SORCS2: variants seen among roughly 807,000 people sequenced by gnomAD.
SORCS2 encodes the protein VPS10 domain-containing receptor SorCS2.
A neutral mutation model predicts 141.6 loss-of-function variants in SORCS2; 100 were observed. The observed-to-expected ratio is 0.71, with a 90% confidence interval of 0.60 to 0.83. SORCS2 has a LOEUF of 0.83. Among genes scored for constraint, SORCS2 ranks in the 40% least tolerant of loss-of-function variants. SORCS2 has a pLI of 0.00. For synonymous variants in SORCS2, 789 were observed against 676.9 expected, an observed-to-expected ratio of 1.17 and a Z score of -2.57; for missense variants, 1,646 against 1,560.2, an observed-to-expected ratio of 1.05 and a Z score of -0.93.
Position 7,364,549 on chromosome 4 carries a change from TTCCTTG to T in SORCS2, c.481-31738_481-31733del, listed in dbSNP as rs149232851. 8.7e-4 allele frequency among the ~76,000 whole-genome samples: 132 copies of T among 152,286 alleles called. No homozygotes were observed. In the East Asian group the frequency reaches 0.019, roughly 22 times the overall value. On this transcript the variant is annotated intron_variant, in intron 1 of 26. Coordinates refer to ENST00000507866, the MANE Select transcript of SORCS2 (RefSeq NM_020777.3). ...GGCCTGTTTCTGGGCAGTCTCCTCC[TTCCTTG>T]GGGCAATGCTCATGGGTCAGGATGA...
intron 1 of SORCS2, among the ~76,000 whole-genome samples, chr4:7,389,732 G>T (rs972037474): frequency 2.0e-5 from 3 of 152,146 alleles, no homozygotes; most frequent in Non-Finnish European, 4.4e-5. Flanking sequence ...GTGAGAAAGG[G>T]GAGAGCATAG....
rs150759421 is a variant in SORCS2, at chr4:7,589,505, C to T, written c.649-48823C>T. Among the ~76,000 whole-genome samples, 588 of 152,218 alleles carry T rather than the reference C, an allele frequency of 3.9e-3. 3 individuals carry two copies. The highest frequency in any genetic ancestry group is 0.018 in the East Asian group (94 of 5,170). On this transcript the variant is annotated intron_variant, in intron 3 of 26. Coordinates refer to ENST00000507866, the MANE Select transcript of SORCS2 (RefSeq NM_020777.3). ...GCAACCTCTACCTCCCGGGTTCAAG[C>T]GATTCTTCTGCCTCAGCCTCCCAAG...
chr4:7,235,524 A>G (rs1303701497), intron 1 of SORCS2, among the ~76,000 whole-genome samples: 2 of 152,212 alleles, frequency 1.3e-5, no homozygotes, highest in African/African-American at 4.8e-5. Context: ...ACTGCAGAGA[A>G]CACAGAGCGG....
At chr4:7,480,028 G>A (rs1327909030) in intron 2 of SORCS2, among the ~76,000 whole-genome samples, 3 of 152,340 alleles carry the variant, frequency 2.0e-5, no homozygotes, top group Non-Finnish European at 1.5e-5. Flanking sequence ...TGCCAGCCTC[G>A]CCATGTGGCT....
chr4:7,429,094 G>T, intron 2 of SORCS2, among the ~76,000 whole-genome samples: 1 of 152,198 alleles, frequency 6.6e-6, no homozygotes, highest in Admixed American at 6.5e-5. Flanking sequence ...AGGGGTGGCA[G>T]AGTTGTTGAC....
intron 1 of SORCS2, among the ~76,000 whole-genome samples, chr4:7,222,900 C>G (rs1728795037): frequency 6.6e-6 from 1 of 152,124 alleles, no homozygotes; most frequent in East Asian, 1.9e-4. Context: ...TCTTCTCCCT[C>G]CACTCCACCT....
At chr4:7,525,006 T>G in intron 2 of SORCS2, among the ~76,000 whole-genome samples, 1 of 152,040 alleles carries the variant, frequency 6.6e-6, no homozygotes, top group Non-Finnish European at 1.5e-5. Flanking sequence ...TTAACTCGGG[T>G]CCTCCTTTTC....
chr4:7,259,346 T>G (rs1443414640), intron 1 of SORCS2, among the ~76,000 whole-genome samples: 1 of 152,186 alleles, frequency 6.6e-6, no homozygotes, highest in East Asian at 1.9e-4. Flanking sequence ...TGAACCCAGG[T>G]TGTGGGACTC....
intron 21 of SORCS2, among the ~76,000 whole-genome samples, chr4:7,728,094 T>C (rs1021522692): frequency 1.3e-5 from 2 of 152,238 alleles, no homozygotes; most frequent in Non-Finnish European, 2.9e-5. Flanking sequence ...TGTTATGAGA[T>C]GGCAGCCAGT....
Position 7,425,066 on chromosome 4 carries a change from G to A in SORCS2, c.548+28711G>A, listed in dbSNP as rs1329371876. Among the ~76,000 whole-genome samples the A allele has an allele frequency of 2.6e-5, 4 of 152,204 alleles. No individual in the cohort carries two copies. In the South Asian group the frequency reaches 6.2e-4, roughly 24 times the overall value. The stretch of plus-strand genomic sequence containing the variant: ...GGATGTTGGTGCAGTTCCGGGAGGT[G>A]CCAGATTCCACAGGCTGCAGGGGTG... On this transcript the variant is annotated intron_variant, in intron 2 of 26. Transcript: ENST00000507866.
At chr4:7,528,755 G>T (rs1453637259) in intron 2 of SORCS2, among the ~76,000 whole-genome samples, 1 of 152,050 alleles carries the variant, frequency 6.6e-6, no homozygotes, top group African/African-American at 2.4e-5. Flanking sequence ...TTGTCCTCAG[G>T]GCCCTTGTAC....
At chr4:7,453,026 C>T (rs1728581215) in intron 2 of SORCS2, among the ~76,000 whole-genome samples, 1 of 135,908 alleles carries the variant, frequency 7.4e-6, no homozygotes, top group African/African-American at 2.8e-5. Flanking sequence ...GGGTCAGGCT[C>T]CATGTTGGGG....
At chr4:7,555,551 G>A (rs764517160) in intron 3 of SORCS2, among the ~76,000 whole-genome samples, 13 of 152,220 alleles carry the variant, frequency 8.5e-5, no homozygotes, top group African/African-American at 1.7e-4. Context: ...CTTCATTTAC[G>A]CGTGCAACTA....
chr4:7,365,985 C>A (rs1012291098), intron 1 of SORCS2, among the ~76,000 whole-genome samples: 1 of 152,210 alleles, frequency 6.6e-6, no homozygotes, highest in South Asian at 2.1e-4. Context: ...TATGGGGAGT[C>A]CTTGCCAGCT....
intron 3 of SORCS2, among the ~76,000 whole-genome samples, chr4:7,563,857 C>G (rs1049596341): frequency 2.9e-4 from 44 of 152,298 alleles, no homozygotes; most frequent in African/African-American, 9.9e-4. Flanking sequence ...GGCCTTGTTG[C>G]TTTTGACTAT....
intron 8 of SORCS2, among the ~76,000 whole-genome samples, chr4:7,668,041 T>C (rs1722600886): frequency 6.6e-6 from 1 of 152,214 alleles, no homozygotes; most frequent in Non-Finnish European, 1.5e-5. Context: ...GAGAAACAGA[T>C]GAAGCTTCCC....
At chr4:7,510,361 CGAGCTGACTTACTCCAG>C (rs1356919353) in intron 2 of SORCS2, among the ~76,000 whole-genome samples, 2 of 152,220 alleles carry the variant, frequency 1.3e-5, no homozygotes, top group Non-Finnish European at 1.5e-5. Flanking sequence ...TGGTGTCCTC[CGAGCTGACTTACTCCAG>C]GAGGGCGCCC....
chr4:7,724,166 G>GTGGTGATAGTGGTGGTGGTGA (rs1560113092), intron 19 of SORCS2, among the ~76,000 whole-genome samples: 1 of 147,358 alleles, frequency 6.8e-6, no homozygotes, highest in Admixed American at 6.7e-5. Context: ...GGTGGTGATG[G>GTGGTGATAGTGGTGGTGGTGA]TGGTGATGGT....
At chr4:7,588,339 A>G (rs562828106) in intron 3 of SORCS2, among the ~76,000 whole-genome samples, 6 of 152,188 alleles carry the variant, frequency 3.9e-5, no homozygotes, top group Admixed American at 6.5e-5. Flanking sequence ...TTTGTTTCGG[A>G]TGAGGAGGAA....
Sources: gnomAD v4.1 joint callset for allele counts (sites outside exome capture counted in the v4.1 genomes callset) on GRCh38, gnomAD v4.1.1 for gene constraint, MANE v1.5 for transcripts, NCBI Gene and HGNC (gene_info 2026-07-23, HGNC 2026-07-21) for gene names.